PCF11: variants seen among roughly 807,000 people sequenced by gnomAD.
The protein encoded by PCF11 is pre-mRNA cleavage complex 2 protein Pcf11.
PCF11 carries 19 observed loss-of-function variants against 166.1 expected under a neutral mutation model. The ratio of observed to expected loss-of-function variants is 0.11; its 90% CI spans 0.08 to 0.17. PCF11 has a LOEUF of 0.17. Ranked by LOEUF, PCF11 falls within the 10% of genes least tolerant of loss-of-function variation. The probability of loss-of-function intolerance (pLI) is 1.00; values close to 1 mark genes in which losing one functional copy is unlikely to be tolerated. For missense variants in PCF11, 1,565 were observed against 1,855.5 expected (o/e 0.84, Z 2.88); for synonymous variants, 663 against 644.1 (o/e 1.03, Z -0.44).
In PCF11 at chr11:83,184,847, A is replaced by C. The variant is rs771502964; in HGVS notation, c.4621A>C (p.Thr1541Pro). 42 of 1,580,858 alleles carry C rather than the reference A, an allele frequency of 2.7e-5. 1 individual carries two copies. Among genetic ancestry groups the C allele is most frequent in the Middle Eastern group, 3.3e-4 (2 of 6,018 alleles). Residue 1541 changes from threonine (T) to proline (P), a missense_variant, in exon 16 of 16, where the codon ACA becomes CCA. Thr to Pro is a conservative substitution (Grantham distance 38). Transcript: ENST00000298281. The stretch of plus-strand genomic sequence containing the variant: ...AGCTTGTACAGAGGAAAGCATAGCA[A>C]CACCCTCTGAAATTAAAACAGAAAA...
intron 11 of PCF11, 114 bp from the exon 12 acceptor site, chr11:83,180,894 C>T (rs1861063961): frequency 1.8e-6 from 1 of 562,680 alleles, no homozygotes; most frequent in Admixed American, 2.9e-5. Context: ...CTGTTTCAGC[C>T]AGCTCTTGGT....
intron 11 of PCF11, among the ~76,000 whole-genome samples, chr11:83,179,085 A>T (rs1271497559): frequency 1.3e-5 from 2 of 152,036 alleles, no homozygotes; most frequent in Non-Finnish European, 2.9e-5. Context: ...TTTAAATTTG[A>T]ATTAGATACT....
chr11:83,176,977 C>G, intron 9 of PCF11, 108 bp from the exon 10 acceptor site: 1 of 648,140 alleles, frequency 1.5e-6, no homozygotes. Flanking sequence ...TTACTGTTGG[C>G]AGGACATCTT....
exon 8 of PCF11, chr11:83,169,334 T>G: frequency 3.7e-6 from 6 of 1,611,746 alleles, no homozygotes; most frequent in Non-Finnish European, 5.1e-6. Flanking sequence ...GGCCCTTTAG[T>G]CCAACAAGGA....
intron 9 of PCF11, among the ~76,000 whole-genome samples, chr11:83,173,306 T>C (rs1356988774): frequency 1.3e-5 from 2 of 152,010 alleles, no homozygotes; most frequent in African/African-American, 4.8e-5. Context: ...AATACAAAAA[T>C]TAGCTGGGTG....
chr11:83,183,162 T>A (rs573208924), intron 15 of PCF11, 89 bp downstream of exon 15: 2 of 719,140 alleles, frequency 2.8e-6, no homozygotes, highest in African/African-American at 3.7e-5. Context: ...GCAATATTGT[T>A]ATTTTAAACT....
At chr11:83,174,671 C>T (rs1860814808) in intron 9 of PCF11, among the ~76,000 whole-genome samples, 1 of 151,946 alleles carries the variant, frequency 6.6e-6, no homozygotes, top group East Asian at 1.9e-4. Flanking sequence ...ACCCTTTTTA[C>T]AGGCACGGGA....
intron 2 of PCF11, 23 bp downstream of exon 2, chr11:83,161,475 T>C (rs1216961948): frequency 1.3e-6 from 2 of 1,516,628 alleles, no homozygotes; most frequent in Non-Finnish European, 1.8e-6. Flanking sequence ...TTAGAAACAT[T>C]TGCGTTTTTT....
chr11:83,168,534 C>T (rs1272204995), exon 8 of PCF11: 6 of 1,613,898 alleles, frequency 3.7e-6, no homozygotes, highest in Admixed American at 1.7e-5. Context: ...CATCAAGATT[C>T]GCCGGCCTGG....
Position 83,167,765 on chromosome 11 carries a change from A to T in PCF11, c.2092+260A>T. 7.0e-7 allele frequency: 1 copy of T among 1,426,150 alleles called. No individual in the cohort carries two copies. The highest frequency in any genetic ancestry group is 9.3e-7 in the Non-Finnish European group (1 of 1,078,010). The allele number at this position is 1,426,150 out of a possible 1,614,324, so 88.3% of individuals were successfully genotyped here. ...AACATGCAAGTAGGAATAGTGGAGC[A>T]CAGTTTGACAGAAAAGAACAATTTA... On this transcript the variant is annotated intron_variant, in intron 7 of 15. Coordinates refer to ENST00000298281, the Ensembl canonical transcript of PCF11. This position sits in a 1 kb window ranked among gnomAD's most constrained non-coding sequence, Gnocchi z 4.2.
At chr11:83,181,433 A>G (rs1861081697) in intron 12 of PCF11, among the ~76,000 whole-genome samples, 1 of 151,130 alleles carries the variant, frequency 6.6e-6, no homozygotes, top group African/African-American at 2.4e-5. Context: ...AGAGTATAGC[A>G]TACAGGCTTG....
chr11:83,169,300 C>A (rs747776113), exon 8 of PCF11: 1 of 1,611,712 alleles, frequency 6.2e-7, no homozygotes, highest in South Asian at 1.1e-5. Flanking sequence ...ACATGGTCAG[C>A]CAGGGGTTGG....
intron 2 of PCF11, among the ~76,000 whole-genome samples, chr11:83,161,740 C>T (rs990360130): frequency 1.3e-5 from 2 of 152,122 alleles, no homozygotes; most frequent in African/African-American, 4.8e-5. Context: ...TGTTTCATCA[C>T]TTACAAACCA....
At chr11:83,170,236 C>G (rs1860639281) in intron 8 of PCF11, among the ~76,000 whole-genome samples, 2 of 152,170 alleles carry the variant, frequency 1.3e-5, no homozygotes, top group Admixed American at 1.3e-4. Flanking sequence ...AAACCCCCAC[C>G]TCCAGCTCTG....
chr11:83,160,739 C>T (rs1860215878), intron 1 of PCF11, among the ~76,000 whole-genome samples: 1 of 152,166 alleles, frequency 6.6e-6, no homozygotes, highest in African/African-American at 2.4e-5. Context: ...GAGTAACAAA[C>T]TTGCAACTTC....
chr11:83,165,823 A>G (rs896123221), exon 5 of PCF11: 1 of 1,610,524 alleles, frequency 6.2e-7, no homozygotes, highest in South Asian at 1.1e-5. Flanking sequence ...TCTCATGGAA[A>G]AGATCAGAGT....
chr11:83,157,812 A>C, intron 1 of PCF11, 181 bp downstream of exon 1: 1 of 608,532 alleles, frequency 1.6e-6, no homozygotes, highest in South Asian at 2.0e-5. Flanking sequence ...TCTGGGGGGG[A>C]GGGAGTGGGG....
At chr11:83,185,103 T>G (rs1310765141) in exon 16 of PCF11, 1 of 443,158 alleles carries the variant, frequency 2.3e-6, no homozygotes, top group Non-Finnish European at 3.9e-6. Context: ...GTGAAAGTTC[T>G]GTAGATGTGT....
At chr11:83,182,549 C>G (rs1451163439) in intron 14 of PCF11, 58 bp downstream of exon 14, 2 of 856,570 alleles carry the variant, frequency 2.3e-6, no homozygotes, top group East Asian at 4.9e-5. Flanking sequence ...GTTGGGTTAA[C>G]ACATTACTTT....
Sources: gnomAD v4.1 joint callset for allele counts (sites outside exome capture counted in the v4.1 genomes callset) on GRCh38, gnomAD v4.1.1 for gene constraint, Gnocchi (gnomAD v3.1) non-coding constraint, MANE v1.5 for transcripts, NCBI Gene and HGNC (gene_info 2026-07-23, HGNC 2026-07-21) for gene names.